Variants in LMO3 observed in about 807,000 individuals in gnomAD.
LMO3 encodes the protein LIM domain only protein 3.
Under a neutral mutation model 15.8 loss-of-function variants are expected in LMO3, and 2 were observed. That is an observed-to-expected ratio of 0.13 (90% CI 0.05 to 0.40). LMO3 has a LOEUF of 0.40. Among genes scored for constraint, LMO3 ranks in the 10% least tolerant of loss-of-function variants. The probability of loss-of-function intolerance (pLI) is 0.99; values close to 1 mark genes in which losing one functional copy is unlikely to be tolerated. For missense variants in LMO3, 86 were observed against 182.2 expected, an observed-to-expected ratio of 0.47 and a Z score of 3.04; for synonymous variants, 62 against 63.8, an observed-to-expected ratio of 0.97 and a Z score of 0.13.
intron 3 of LMO3, among the ~76,000 whole-genome samples, chr12:16,558,182 T>G (rs7975434): frequency 2.0e-5 from 3 of 151,962 alleles, no homozygotes; most frequent in Non-Finnish European, 2.9e-5. Context: ...AATGTGAGTG[T>G]AATATTTATA....
chr12:16,551,510 T>C (rs1286960614), intron 3 of LMO3, among the ~76,000 whole-genome samples, 183 bp from the exon 4 acceptor site: 1 of 151,982 alleles, frequency 6.6e-6, no homozygotes, highest in East Asian at 1.9e-4. Flanking sequence ...TAATGAAATG[T>C]TGCACACATT....
chr12:16,585,885 A>G lies in LMO3; in HGVS notation c.206+14770T>C, dbSNP rs1477517483. ...TATGATTCACAGGCCCAAGTAAAACATCATTTAGTCATTTATAGTCTCAGA... is the reference window on the plus strand; with the variant it reads ...TATGATTCACAGGCCCAAGTAAAACGTCATTTAGTCATTTATAGTCTCAGA... On this transcript the variant is annotated intron_variant, in intron 2 of 3. Coordinates refer to ENST00000537304, the MANE Select transcript of LMO3 (RefSeq NM_018640.5). This position sits in a 1 kb window ranked among gnomAD's most constrained non-coding sequence, Gnocchi z 4.7. Among the ~76,000 whole-genome samples the G allele has an allele frequency of 6.6e-6, 1 of 152,210 alleles. No individual in the cohort carries two copies. Among genetic ancestry groups the G allele is most frequent in the Admixed American group, 6.5e-5 (1 of 15,278 alleles).
chr12:16,558,976 A>C (rs1389314615), intron 3 of LMO3, among the ~76,000 whole-genome samples: 1 of 152,112 alleles, frequency 6.6e-6, no homozygotes, highest in Non-Finnish European at 1.5e-5. Context: ...CACACAGCTA[A>C]TATATCAGCT....
chr12:16,605,658 C>A, intron 1 of LMO3: 1 of 1,109,080 alleles, frequency 9.0e-7, no homozygotes, highest in South Asian at 1.4e-5. Flanking sequence ...GGGCTGGGAG[C>A]AAACACTTCC....
chr12:16,591,989 A>G lies in LMO3; in HGVS notation c.206+8666T>C, dbSNP rs889663828. 6.6e-6 allele frequency among the ~76,000 whole-genome samples: 1 copy of G among 152,100 alleles called. No homozygotes were observed. Among genetic ancestry groups the G allele is most frequent in the African/African-American group, 2.4e-5 (1 of 41,434 alleles). Reference sequence around the variant, plus strand: ...TATTCTACTTAGTTATTTGACAATAATAGTGACTATGTTTATCAGGTGTAG... The same window carrying G: ...TATTCTACTTAGTTATTTGACAATAGTAGTGACTATGTTTATCAGGTGTAG... On this transcript the variant is annotated intron_variant, in intron 2 of 3. Coordinates refer to ENST00000537304, the MANE Select transcript of LMO3 (RefSeq NM_018640.5). This position sits in a 1 kb window ranked among gnomAD's most constrained non-coding sequence, Gnocchi z 4.1.
At chr12:16,567,119 C>A (rs1470207777) in intron 2 of LMO3, among the ~76,000 whole-genome samples, 3 of 152,146 alleles carry the variant, frequency 2.0e-5, no homozygotes, top group South Asian at 2.1e-4. Flanking sequence ...TCACTTGAAC[C>A]TGCGAGGCGG....
At chr12:16,588,758 C>T (rs750073316) in intron 2 of LMO3, among the ~76,000 whole-genome samples, 30 of 152,042 alleles carry the variant, frequency 2.0e-4, no homozygotes, top group Admixed American at 7.2e-4. Context: ...AGTTGGTAAA[C>T]GACCTCATTA....
In LMO3 at chr12:16,582,890, T is replaced by TA. The variant is rs1943205038; in HGVS notation, c.206+17764dup. On this transcript the variant is annotated intron_variant, in intron 2 of 3. Transcript: ENST00000537304. This position sits in a 1 kb window ranked among gnomAD's most constrained non-coding sequence, Gnocchi z 4.1. ...TGGCGAAACCCCGTCTCTACTAAAA[T>TA]AAAAAAATTAGCCGGGAGTGGTGGC... Among the ~76,000 whole-genome samples the TA allele has an allele frequency of 1.3e-5, 2 of 151,502 alleles. No homozygotes were observed. Among genetic ancestry groups the TA allele is most frequent in the South Asian group, 4.2e-4 (2 of 4,798 alleles).
chr12:16,605,853 A>G (rs748738195), intron 1 of LMO3: 2 of 1,528,922 alleles, frequency 1.3e-6, no homozygotes. Flanking sequence ...CATAAAAATA[A>G]TGAAGCCTCA....
rs971887890 is a variant in LMO3 at position 16,594,207 on chromosome 12, T to C, written c.206+6448A>G. ...AATGGCCATTCTAAGGTTACACAGA[T>C]TCCAATCTCTGTATGTGCAGCATGT... On this transcript the variant is annotated intron_variant, in intron 2 of 3. Transcript: ENST00000537304. 2.6e-6 allele frequency: 4 copies of C among 1,532,560 alleles called. No individual in the cohort carries two copies. The African/African-American group carries it at 4.1e-5, about 16-fold the overall frequency. 94.9% of individuals were successfully genotyped at this position (1,532,560 alleles called of 1,614,324 possible).
In LMO3 at chr12:16,605,253, G is replaced by GT. The variant is rs1304012731; in HGVS notation, c.-9+812dup. ...ATTTGATTAAACTGTCACATGCAGC[G>GT]TTAGCATAGCATATCATGTTCAATA... On this transcript the variant is annotated intron_variant, in intron 1 of 3. Coordinates refer to ENST00000537304, the MANE Select transcript of LMO3 (RefSeq NM_018640.5). 5 of 1,263,494 alleles carry GT rather than the reference G, an allele frequency of 4.0e-6. No homozygotes were observed. The African/African-American group carries it at 7.5e-5, about 19-fold the overall frequency. The allele number at this position is 1,263,494 out of a possible 1,614,324, so 78.3% of individuals were successfully genotyped here.
chr12:16,587,046 T>G lies in LMO3; in HGVS notation c.206+13609A>C, dbSNP rs886752665. On this transcript the variant is annotated intron_variant, in intron 2 of 3. Coordinates refer to ENST00000537304, the MANE Select transcript of LMO3 (RefSeq NM_018640.5). The surrounding 1 kb of genome is among the most constrained non-coding windows in gnomAD (Gnocchi z 4.3). Reference sequence around the variant, plus strand: ...TCTCGTCACATCTCATATTTGGTTATTTTCCTTCTCAAAAGGTCTTGTTAC... The same window carrying G: ...TCTCGTCACATCTCATATTTGGTTAGTTTCCTTCTCAAAAGGTCTTGTTAC... Among the ~76,000 whole-genome samples the G allele has an allele frequency of 2.0e-5, 3 of 152,216 alleles. No individual in the cohort carries two copies. Among genetic ancestry groups the G allele is most frequent in the Non-Finnish European group, 4.4e-5 (3 of 68,036 alleles).
intron 2 of LMO3, among the ~76,000 whole-genome samples, chr12:16,563,214 G>T (rs938813312): frequency 6.6e-6 from 1 of 152,080 alleles, no homozygotes; most frequent in Admixed American, 6.6e-5. Flanking sequence ...GCGGAAATCT[G>T]ATCTAATTTA....
intron 1 of LMO3, among the ~76,000 whole-genome samples, chr12:16,601,488 C>G (rs1943822466): frequency 6.6e-6 from 1 of 152,176 alleles, no homozygotes; most frequent in South Asian, 2.1e-4. Flanking sequence ...TCAAAGTATT[C>G]ATTGTGTTCA....
At chr12:16,562,668 G>T (rs1942445371) in intron 2 of LMO3, among the ~76,000 whole-genome samples, 1 of 152,196 alleles carries the variant, frequency 6.6e-6, no homozygotes, top group Non-Finnish European at 1.5e-5. Context: ...GTTCAGTAAT[G>T]CATGGCCAGC....
chr12:16,604,158 T>C lies in LMO3; in HGVS notation c.-9+1908A>G, dbSNP rs1156679361. Reference sequence around the variant, plus strand: ...CTCCTCCTGCCCATCTTCATCCTCTTCCCAGCCCCCAACCCAGGTTGGAAA... The same window carrying C: ...CTCCTCCTGCCCATCTTCATCCTCTCCCCAGCCCCCAACCCAGGTTGGAAA... On this transcript the variant is annotated intron_variant, in intron 1 of 3. Transcript: ENST00000537304. This position sits in a 1 kb window ranked among gnomAD's most constrained non-coding sequence, Gnocchi z 5.3. Among the ~76,000 whole-genome samples, 1 of 152,176 alleles carries C rather than the reference T, an allele frequency of 6.6e-6. No individual in the cohort carries two copies. Among genetic ancestry groups the C allele is most frequent in the East Asian group, 1.9e-4 (1 of 5,196 alleles).
In LMO3 at chr12:16,582,500, A is replaced by G. The variant is rs1274458724; in HGVS notation, c.206+18155T>C. Among the ~76,000 whole-genome samples the G allele has an allele frequency of 6.6e-6, 1 of 152,122 alleles. No individual in the cohort carries two copies. The highest frequency in any genetic ancestry group is 1.5e-5 in the Non-Finnish European group (1 of 68,016). ...TAGTTTTGCATAAGCTGCTTTACATATTTTGAACTTAAGCTTCCTGTGTAA... is the reference window on the plus strand; with the variant it reads ...TAGTTTTGCATAAGCTGCTTTACATGTTTTGAACTTAAGCTTCCTGTGTAA... On this transcript the variant is annotated intron_variant, in intron 2 of 3. Transcript: ENST00000537304. The surrounding 1 kb of genome is among the most constrained non-coding windows in gnomAD (Gnocchi z 4.1).
intron 2 of LMO3, among the ~76,000 whole-genome samples, chr12:16,578,424 G>A (rs539354879): frequency 6.6e-6 from 1 of 152,306 alleles, no homozygotes; most frequent in East Asian, 1.9e-4. Flanking sequence ...GAGGAACAGG[G>A]AAGAGAAGAA....
Position 16,598,831 on chromosome 12 carries a change from C to T in LMO3, c.206+1824G>A. Reference sequence around the variant, plus strand: ...CTTGGCAAATTTTTATTTTTGTTTTCAAAAACCCCAGATATTTCAGTTGAC... The same window carrying T: ...CTTGGCAAATTTTTATTTTTGTTTTTAAAAACCCCAGATATTTCAGTTGAC... On this transcript the variant is annotated intron_variant, in intron 2 of 3. Coordinates refer to ENST00000537304, the MANE Select transcript of LMO3 (RefSeq NM_018640.5). This position sits in a 1 kb window ranked among gnomAD's most constrained non-coding sequence, Gnocchi z 4.3. 5.4e-6 allele frequency: 1 copy of T among 184,864 alleles called. No individual in the cohort carries two copies. The highest frequency in any genetic ancestry group is 1.2e-5 in the Non-Finnish European group (1 of 84,924). The allele number at this position is 184,864 out of a possible 1,614,324, so 11.5% of individuals were successfully genotyped here. A position where few individuals can be genotyped will look rare whatever the true frequency, so the allele number is the denominator to read the frequency against.
Sources: gnomAD v4.1 joint callset for allele counts (sites outside exome capture counted in the v4.1 genomes callset) on GRCh38, gnomAD v4.1.1 for gene constraint, Gnocchi (gnomAD v3.1) non-coding constraint, MANE v1.5 for transcripts, NCBI Gene and HGNC (gene_info 2026-07-23, HGNC 2026-07-21) for gene names.